Variants in AP1B1 observed in about 807,000 individuals in gnomAD.
The protein encoded by AP1B1 is AP-1 complex subunit beta-1.
AP1B1 carries 36 observed loss-of-function variants against 104.3 expected under a neutral mutation model. The observed-to-expected ratio is 0.35, with a 90% CI of 0.26 to 0.46. The LOEUF (loss-of-function observed/expected upper bound fraction) is 0.46. Ranked by LOEUF, AP1B1 falls within the 20% of genes least tolerant of loss-of-function variation. The pLI is 1.00. For missense variants in AP1B1, 901 were observed against 1,247.9 expected (o/e 0.72, Z 4.19); for synonymous variants, 504 against 517.5 (o/e 0.97, Z 0.35).
chr22:29,331,638 A>T, intron 18 of AP1B1, 105 bp from the exon 19 acceptor site: 1 of 1,574,112 alleles, frequency 6.4e-7, no homozygotes, highest in Non-Finnish European at 8.7e-7. Context: ...CTTCCCTGGT[A>T]AACACACCCC....
rs2061717708 is a variant in AP1B1 at position 29,341,677 on chromosome 22, C to T, written c.1620G>A (p.Val540=). 6.2e-7 allele frequency: 1 copy of T among 1,614,202 alleles called. No homozygotes were observed. Among genetic ancestry groups the T allele is most frequent in the East Asian group, 2.2e-5 (1 of 44,892 alleles). The part of the protein sequence containing the change: ...LSTDPVAAKE[V]VLAEKPLISE... ...AGATGAGTGGCTTCTCAGCCAACAC[C>T]ACCTCCTTGGCTGCCACCGGGTCCG... The change falls in exon 13 of 23, where the codon GTG becomes GTA. Residue 540 remains valine, a synonymous_variant. Coordinates refer to ENST00000357586, the MANE Select transcript of AP1B1 (RefSeq NM_001127.4).
At chr22:29,340,112 A>C (rs924292602) in intron 14 of AP1B1, among the ~76,000 whole-genome samples, 1 of 152,050 alleles carries the variant, frequency 6.6e-6, no homozygotes, top group African/African-American at 2.4e-5. Context: ...GCCCCCACAC[A>C]TGGTCCTGCC....
intron 11 of AP1B1, among the ~76,000 whole-genome samples, chr22:29,347,837 T>C (rs1232127991): frequency 1.3e-5 from 2 of 152,202 alleles, no homozygotes; most frequent in Non-Finnish European, 2.9e-5. Flanking sequence ...CATGCTCTTT[T>C]CTCTAAGCAT....
chr22:29,356,138 G>A (rs1333568158), intron 6 of AP1B1, among the ~76,000 whole-genome samples: 2 of 152,224 alleles, frequency 1.3e-5, no homozygotes, highest in Admixed American at 1.3e-4. Flanking sequence ...AATGAGCAGT[G>A]GCTCTGGCGC....
chr22:29,358,616 C>T, intron 5 of AP1B1, 110 bp downstream of exon 5: 2 of 1,431,574 alleles, frequency 1.4e-6, no homozygotes, highest in Non-Finnish European at 1.9e-6. Context: ...CACCCCCAGC[C>T]AGGCTCCGAC....
At chr22:29,363,712 AGTGAGACCTC>A (rs1293283387) in intron 2 of AP1B1, among the ~76,000 whole-genome samples, 1 of 151,848 alleles carries the variant, frequency 6.6e-6, no homozygotes, top group Non-Finnish European at 1.5e-5. Flanking sequence ...TGGGTAACAT[AGTGAGACCTC>A]GTTTCTACAA....
intron 13 of AP1B1, 40 bp downstream of exon 13, chr22:29,341,461 A>G: frequency 6.3e-7 from 1 of 1,588,068 alleles, no homozygotes; most frequent in Non-Finnish European, 8.6e-7. Flanking sequence ...CTGGGGAAGC[A>G]GAGTGTGAAG....
chr22:29,372,558 G>C (rs2062259330), intron 1 of AP1B1, among the ~76,000 whole-genome samples: 2 of 151,972 alleles, frequency 1.3e-5, no homozygotes, highest in South Asian at 4.1e-4. Context: ...CAGTGTCCAG[G>C]GACAAAGATG....
intron 2 of AP1B1, among the ~76,000 whole-genome samples, chr22:29,366,142 A>C (rs1281989824): frequency 1.3e-5 from 2 of 152,188 alleles, no homozygotes; most frequent in African/African-American, 4.8e-5. Context: ...AAAGATGCTT[A>C]CAGGGTTAAA....
rs750467942 is a variant in AP1B1, at chr22:29,340,826, G to A, written c.1828C>T (p.Pro610Ser). 1.3e-6 allele frequency: 2 copies of A among 1,598,874 alleles called. No homozygotes were observed. Among genetic ancestry groups the A allele is most frequent in the East Asian group, 4.5e-5 (2 of 44,376 alleles). The change falls in exon 14 of 23, where the codon CCT becomes TCT. Residue 610 changes from proline (P) to serine (S), a missense_variant. This residue lies in a region of AP1B1 where 424 missense variants were observed against 494.0 expected (regional missense o/e 0.86). Coordinates refer to ENST00000357586, the MANE Select transcript of AP1B1 (RefSeq NM_001127.4). The stretch of plus-strand genomic sequence containing the variant: ...TGCTCCCCAGGAGGTGCTCCAGTAG[G>A]GGCTGTCTCAGGGCTCTCTGCGCTC... Reference protein sequence around the residue: ...SESAESPETAPTGAPPGEQPD... With the variant: ...SESAESPETASTGAPPGEQPD...
chr22:29,364,422 AT>A (rs2062099109), intron 2 of AP1B1, among the ~76,000 whole-genome samples: 1 of 152,054 alleles, frequency 6.6e-6, no homozygotes, highest in African/African-American at 2.4e-5. Context: ...CTTCTCTTTT[AT>A]TTTTTATTTT....
intron 1 of AP1B1, among the ~76,000 whole-genome samples, chr22:29,379,483 T>A (rs1448198126): frequency 6.6e-6 from 1 of 152,226 alleles, no homozygotes; most frequent in South Asian, 2.1e-4. Flanking sequence ...ATGGGAACAC[T>A]TTCTGAAGAT....
At chr22:29,330,313 G>T in intron 21 of AP1B1, 65 bp downstream of exon 21, 1 of 1,601,076 alleles carries the variant, frequency 6.2e-7, no homozygotes. Context: ...CTCCACCAGG[G>T]CCACCCCCTG....
intron 5 of AP1B1, among the ~76,000 whole-genome samples, chr22:29,356,965 C>T (rs776209906): frequency 4.6e-5 from 7 of 152,218 alleles, no homozygotes; most frequent in Non-Finnish European, 7.3e-5. Context: ...CTAGGGGATT[C>T]CTGCAGAGCT....
Position 29,342,305 on chromosome 22 carries a change from C to G in AP1B1, c.1516G>C (p.Val506Leu). ...CCCACCTGAGTGGCCAAACTGAGGA[C>G]CTGCTGCACCAGCTCCTGGGTCTCT... Reference protein sequence around the residue: ...PTETQELVQQVLSLATQDSDN... With the variant: ...PTETQELVQQLLSLATQDSDN... Residue 506 changes from valine to leucine, a missense_variant, in exon 12 of 23, where the codon GTC (valine) becomes CTC (leucine). Physicochemically the swap from Val to Leu is conservative, Grantham distance 32. This residue lies in a region of AP1B1 where 471 missense variants were observed against 696.7 expected (regional missense o/e 0.68). Transcript: ENST00000357586. The G allele has an allele frequency of 1.9e-6, 3 of 1,613,998 alleles. No homozygotes were observed. The highest frequency in any genetic ancestry group is 2.5e-6 in the Non-Finnish European group (3 of 1,179,944).
At chr22:29,374,268 A>G (rs2062296125) in intron 1 of AP1B1, among the ~76,000 whole-genome samples, 2 of 111,356 alleles carry the variant, frequency 1.8e-5, no homozygotes, top group Non-Finnish European at 3.6e-5. Context: ...AGGAAGAATG[A>G]AACATTGCAT....
At chr22:29,334,559 G>T in intron 16 of AP1B1, 149 bp from the exon 17 acceptor site, 1 of 870,800 alleles carries the variant, frequency 1.1e-6, no homozygotes, top group Non-Finnish European at 1.7e-6. Flanking sequence ...GGGATGAACA[G>T]GTGTGTACTG....
At position 29,344,514 on chromosome 22, in the gene AP1B1, A is replaced by ATTT. The variant is rs35466454; in HGVS notation, c.1438-2134_1438-2132dup. On this transcript the variant is annotated intron_variant, in intron 11 of 22. Transcript: ENST00000357586. ...GGGCTGATATACCACCCTGGCCAAG[A>ATTT]TTTTTTTTTTTTTTTTTTTTTTTTT... Among the ~76,000 whole-genome samples the ATTT allele has an allele frequency of 8.6e-4, 81 of 93,798 alleles. 2 individuals are homozygous for ATTT. The highest frequency in any genetic ancestry group is 1.1e-3 in the Non-Finnish European group (52 of 49,496). The allele number at this position is 93,798 out of a possible 152,430, so 61.5% of individuals were successfully genotyped here.
intron 1 of AP1B1, among the ~76,000 whole-genome samples, chr22:29,377,091 G>C (rs1348815906): frequency 6.6e-6 from 1 of 151,600 alleles, no homozygotes; most frequent in Non-Finnish European, 1.5e-5. Flanking sequence ...AGCTACTCGG[G>C]AGGCTGAGGT....
Sources: allele counts gnomAD v4.1 joint callset (sites outside exome capture counted in the v4.1 genomes callset), GRCh38; gene constraint gnomAD v4.1.1; regional missense constraint gnomAD v4.1.1; transcripts MANE v1.5; gene names NCBI Gene and HGNC (gene_info 2026-07-23, HGNC 2026-07-21).